The following LCA5 variants were observed in gnomAD, a reference collection of about 807,000 sequenced individuals.
The protein encoded by LCA5 is lebercilin.
A neutral mutation model predicts 53.0 loss-of-function variants in LCA5; 37 were observed. The ratio of observed to expected loss-of-function variants is 0.70; its 90% CI spans 0.54 to 0.92. LCA5 has a LOEUF of 0.92. Ranked by LOEUF, LCA5 falls within the 40% of genes least tolerant of loss-of-function variation. LCA5 has a pLI of 0.00. For synonymous variants in LCA5, 303 were observed against 282.9 expected (o/e 1.07, Z -0.71); for missense variants, 806 against 790.5 (o/e 1.02, Z -0.23).
chr6:79,493,528 T>C (rs1464179033), intron 4 of LCA5, 85 bp downstream of exon 4: 2 of 1,254,148 alleles, frequency 1.6e-6, no homozygotes, highest in African/African-American at 1.5e-5. Context: ...AACTTACAAA[T>C]ATGAATAGTA....
At chr6:79,538,130 A>G (rs1767214783), upstream of LCA5, among the ~76,000 whole-genome samples, 1 of 114,026 alleles carries the variant, frequency 8.8e-6, no homozygotes, top group African/African-American at 3.8e-5. Context: ...AAATGGCATT[A>G]ATTGCGGGAG....
At position 79,486,812 on chromosome 6, in the gene LCA5, C is replaced by A; in HGVS notation, c.*192G>T. Reference sequence around the variant, plus strand: ...TATTTTTGGTTTCATTCAAAAAAGCCTCCTTCATTCTTGGCAAACTATCTA... The same window carrying A: ...TATTTTTGGTTTCATTCAAAAAAGCATCCTTCATTCTTGGCAAACTATCTA... On this transcript the variant is annotated 3_prime_UTR_variant, in exon 8 of 8. Transcript: ENST00000369846. The A allele has an allele frequency of 6.3e-6, 3 of 479,052 alleles. No homozygotes were observed. Among genetic ancestry groups the A allele is most frequent in the South Asian group, 8.6e-5 (2 of 23,160 alleles). The allele number at this position is 479,052 out of a possible 1,614,324, so 29.7% of individuals were successfully genotyped here. A position where few individuals can be genotyped will look rare whatever the true frequency, so the allele number is the denominator to read the frequency against.
intron 1 of LCA5, among the ~76,000 whole-genome samples, chr6:79,520,581 A>G (rs1020740267): frequency 2.0e-5 from 3 of 152,208 alleles, no homozygotes; most frequent in Admixed American, 6.5e-5. Flanking sequence ...TGATGAAATT[A>G]GTATTAAAAG....
chr6:79,512,836 A>C (rs757565511), intron 3 of LCA5, among the ~76,000 whole-genome samples: 1 of 152,130 alleles, frequency 6.6e-6, no homozygotes, highest in African/African-American at 2.4e-5. Flanking sequence ...ATTAATCTTC[A>C]ATAAATAATG....
At chr6:79,516,107 TTAAAA>T (rs1481741880) in intron 2 of LCA5, among the ~76,000 whole-genome samples, 1 of 151,954 alleles carries the variant, frequency 6.6e-6, no homozygotes, top group African/African-American at 2.4e-5. Context: ...TCATATATTA[TTAAAA>T]TTAATTTCAT....
At position 79,489,078 on chromosome 6, in the gene LCA5, T is replaced by C. The variant is rs2127666991; in HGVS notation, c.1231+6A>G. 1 of 1,612,894 alleles carries C rather than the reference T, an allele frequency of 6.2e-7. No individual in the cohort carries two copies. Among genetic ancestry groups the C allele is most frequent in the Non-Finnish European group, 8.5e-7 (1 of 1,179,734 alleles). ...GTCACATGCTTAAACAAACTCTTTTTCTTACCATCCTCCAGCTTTTCAACC... is the reference window on the plus strand; with the variant it reads ...GTCACATGCTTAAACAAACTCTTTTCCTTACCATCCTCCAGCTTTTCAACC... On this transcript the variant is annotated splice_donor_region_variant and intron_variant, in intron 7 of 7. Coordinates refer to ENST00000369846, the MANE Select transcript of LCA5 (RefSeq NM_001122769.3).
intron 1 of LCA5, among the ~76,000 whole-genome samples, chr6:79,520,659 T>C (rs1230559558): frequency 6.6e-6 from 1 of 152,200 alleles, no homozygotes; most frequent in African/African-American, 2.4e-5. Flanking sequence ...GTAGCACTAT[T>C]GTAAGTAGAA....
At chr6:79,510,736 T>C (rs868528195) in intron 3 of LCA5, among the ~76,000 whole-genome samples, 20 of 152,176 alleles carry the variant, frequency 1.3e-4, no homozygotes, top group African/African-American at 4.3e-4. Context: ...TCTCCAAAAA[T>C]AGATAAAGCA....
chr6:79,535,865 G>C (rs1273389964), intron 1 of LCA5, among the ~76,000 whole-genome samples: 1 of 152,108 alleles, frequency 6.6e-6, no homozygotes, highest in Non-Finnish European at 1.5e-5. Flanking sequence ...AATGAAATAT[G>C]GTGGGCCGAG....
chr6:79,526,907 A>G (rs1766806875), intron 1 of LCA5, among the ~76,000 whole-genome samples: 1 of 152,096 alleles, frequency 6.6e-6, no homozygotes, highest in Non-Finnish European at 1.5e-5. Flanking sequence ...TCTCCCTACT[A>G]TGGAAACCAA....
intron 1 of LCA5, among the ~76,000 whole-genome samples, chr6:79,530,158 C>T (rs370950497): frequency 2.0e-5 from 3 of 152,026 alleles, no homozygotes; most frequent in East Asian, 3.9e-4. Context: ...TTATTTCTAA[C>T]CCAGGTTTTG....
chr6:79,533,800 GA>G (rs923892944), intron 1 of LCA5, among the ~76,000 whole-genome samples: 11 of 151,226 alleles, frequency 7.3e-5, no homozygotes, highest in Admixed American at 2.6e-4. Flanking sequence ...TTAGTTTTAA[GA>G]AAAAAAACTG....
chr6:79,535,141 T>C (rs1300210705), intron 1 of LCA5, among the ~76,000 whole-genome samples: 2 of 152,216 alleles, frequency 1.3e-5, no homozygotes, highest in African/African-American at 4.8e-5. Context: ...TCACATTCTA[T>C]TTCAAATGGA....
At chr6:79,517,270 A>C (rs1409284852) in intron 2 of LCA5, among the ~76,000 whole-genome samples, 2 of 152,090 alleles carry the variant, frequency 1.3e-5, no homozygotes, top group African/African-American at 4.8e-5. Context: ...CTGATGCTGG[A>C]ACTGTTTTTC....
At chr6:79,489,454 A>G (rs1769775944) in intron 6 of LCA5, among the ~76,000 whole-genome samples, 1 of 152,122 alleles carries the variant, frequency 6.6e-6, no homozygotes, top group African/African-American at 2.4e-5. Flanking sequence ...AACCAGTATA[A>G]CTGAAGTAAA....
At chr6:79,500,667 T>C (rs1206973296) in intron 3 of LCA5, among the ~76,000 whole-genome samples, 1 of 152,220 alleles carries the variant, frequency 6.6e-6, no homozygotes, top group Non-Finnish European at 1.5e-5. Context: ...ATGCAAAGCA[T>C]ACTGGTTTCA....
At chr6:79,511,486 T>G (rs1770408714) in intron 3 of LCA5, among the ~76,000 whole-genome samples, 1 of 152,146 alleles carries the variant, frequency 6.6e-6, no homozygotes, top group Admixed American at 6.5e-5. Context: ...GAGGTAGCTG[T>G]GGCTGTAAAA....
At chr6:79,491,755 AATT>A in intron 5 of LCA5, 25 bp from the exon 6 acceptor site, 7 of 1,602,024 alleles carry the variant, frequency 4.4e-6, no homozygotes, top group Non-Finnish European at 5.1e-6. Context: ...ATTTTTAAAA[AATT>A]ATTACAATGA....
At chr6:79,535,910 G>A (rs1767103269) in intron 1 of LCA5, among the ~76,000 whole-genome samples, 2 of 152,172 alleles carry the variant, frequency 1.3e-5, no homozygotes, top group Admixed American at 6.5e-5. Flanking sequence ...AAGAATGACA[G>A]GCAGATGAAG....
Sources: gnomAD v4.1 joint callset for allele counts (sites outside exome capture counted in the v4.1 genomes callset) on GRCh38, gnomAD v4.1.1 for gene constraint, MANE v1.5 for transcripts, NCBI Gene and HGNC (gene_info 2026-07-23, HGNC 2026-07-21) for gene names.